The following SLC9B1 variants were observed in gnomAD, a reference collection of about 807,000 sequenced individuals.
The protein encoded by SLC9B1 is solute carrier family 9 member B1.
A neutral mutation model predicts 51.7 loss-of-function variants in SLC9B1; 32 were observed. The ratio of observed to expected loss-of-function variants is 0.62; its 90% CI spans 0.47 to 0.83. SLC9B1 has a LOEUF of 0.83. Among genes scored for constraint, SLC9B1 ranks in the 40% least tolerant of loss-of-function variants. The pLI is 0.00. For synonymous variants in SLC9B1, 145 were observed against 212.7 expected (o/e 0.68, Z 2.77); for missense variants, 406 against 613.2 (o/e 0.66, Z 3.57).
At chr4:103,012,416 ATCTC>A (rs1741129040) in intron 1 of SLC9B1, among the ~76,000 whole-genome samples, 1 of 152,168 alleles carries the variant, frequency 6.6e-6, no homozygotes, top group South Asian at 2.1e-4. Context: ...AACTTAGATA[ATCTC>A]TAAGAACATG....
At chr4:102,988,334 C>A (rs1173416429) in intron 3 of SLC9B1, among the ~76,000 whole-genome samples, 1 of 152,086 alleles carries the variant, frequency 6.6e-6, no homozygotes, top group Non-Finnish European at 1.5e-5. Flanking sequence ...TGTGATGAGA[C>A]TGATTTCTGT....
chr4:102,938,156 G>T (rs1486976274), intron 6 of SLC9B1, among the ~76,000 whole-genome samples: 1 of 152,084 alleles, frequency 6.6e-6, no homozygotes, highest in Non-Finnish European at 1.5e-5. Flanking sequence ...ATACCCATTG[G>T]CTCAAAGTAA....
chr4:102,951,031 A>G (rs111409015), intron 3 of SLC9B1, among the ~76,000 whole-genome samples: 1 of 152,132 alleles, frequency 6.6e-6, no homozygotes, highest in Non-Finnish European at 1.5e-5. Flanking sequence ...AAAACAAAAC[A>G]AAACAAAACA....
At chr4:102,986,718 C>G (rs1318965700) in intron 3 of SLC9B1, among the ~76,000 whole-genome samples, 1 of 152,096 alleles carries the variant, frequency 6.6e-6, no homozygotes, top group Non-Finnish European at 1.5e-5. Flanking sequence ...CTGGCATATT[C>G]TCAAGCCCGG....
intron 1 of SLC9B1, among the ~76,000 whole-genome samples, chr4:103,010,959 C>T (rs1005806379): frequency 6.6e-6 from 1 of 152,180 alleles, no homozygotes; most frequent in Admixed American, 6.5e-5. Flanking sequence ...CTTGTTCCAT[C>T]CCAGTAGCTC....
chr4:103,016,398 T>C (rs1338831029), intron 1 of SLC9B1, among the ~76,000 whole-genome samples: 1 of 152,122 alleles, frequency 6.6e-6, no homozygotes, highest in Non-Finnish European at 1.5e-5. Flanking sequence ...TTCTTGGCTC[T>C]CTTTCATAGT....
intron 11 of SLC9B1, chr4:102,892,625 G>A (rs1230627366): frequency 6.6e-6 from 1 of 152,140 alleles, no homozygotes; most frequent in Admixed American, 6.5e-5. Flanking sequence ...AAGTATATTT[G>A]TGATACTGTT....
At chr4:102,980,557 G>A (rs1446885337) in intron 3 of SLC9B1, among the ~76,000 whole-genome samples, 1 of 151,752 alleles carries the variant, frequency 6.6e-6, no homozygotes, top group Non-Finnish European at 1.5e-5. Flanking sequence ...ACACATGGGG[G>A]GAACAACACA....
At chr4:102,991,607 TATATC>T in intron 2 of SLC9B1, 31 bp downstream of exon 2, 1 of 1,325,172 alleles carries the variant, frequency 7.5e-7, no homozygotes. Context: ...AGGTTGATTT[TATATC>T]ATATATTACA....
chr4:102,965,799 C>G (rs1396014074), intron 3 of SLC9B1, among the ~76,000 whole-genome samples: 1 of 150,992 alleles, frequency 6.6e-6, no homozygotes, highest in Non-Finnish European at 1.5e-5. Context: ...AAAAAAACAA[C>G]AAGTTATTTA....
In SLC9B1 at chr4:102,989,851, T is replaced by A; in HGVS notation, c.160A>T (p.Thr54Ser). ...CCTCTTAGAGGACAAGAAATGTATG[T>A]CTCCTTTTTTGTCTGTGGTTTTATT... is the stretch of plus-strand genomic sequence containing the variant. ...EEIKPQTKKE[T>S]YISCPLRGVL... The change falls in exon 3 of 12, where the codon ACA (threonine) becomes TCA (serine). Residue 54 changes from threonine to serine, a missense_variant. By Grantham distance (58) the Thr-to-Ser change is moderately conservative. This residue lies in a region of SLC9B1 where 108 missense variants were observed against 94.5 expected (regional missense o/e 1.14). Transcript: ENST00000296422. The A allele has an allele frequency of 6.2e-7, 1 of 1,602,636 alleles. No homozygotes were observed. The highest frequency in any genetic ancestry group is 8.5e-7 in the Non-Finnish European group (1 of 1,172,050).
Position 103,019,591 on chromosome 4 carries a change from G to C in SLC9B1, c.-2+8C>G, listed in dbSNP as rs181946550. The C allele has an allele frequency of 5.3e-4, 519 of 985,484 alleles. 1 individual carries two copies. In the African/African-American group the frequency reaches 8.4e-3, roughly 16 times the overall value. 61.0% of individuals were successfully genotyped at this position (985,484 alleles called of 1,614,324 possible). On this transcript the variant is annotated splice_region_variant and intron_variant, in intron 1 of 11. Coordinates refer to ENST00000296422, the MANE Select transcript of SLC9B1 (RefSeq NM_139173.4). ...TGGAAGGGCGGCGTTAAGAAAAATG[G>C]GCCGTACCTACAACTTCTTTCGCAG... is the stretch of plus-strand genomic sequence containing the variant.
At chr4:102,928,131 T>C (rs192237056) in intron 7 of SLC9B1, among the ~76,000 whole-genome samples, 1 of 152,082 alleles carries the variant, frequency 6.6e-6, no homozygotes, top group Non-Finnish European at 1.5e-5. Flanking sequence ...ATGTAAATGA[T>C]GAGTTGATGG....
intron 7 of SLC9B1, among the ~76,000 whole-genome samples, chr4:102,921,084 A>G (rs1028108238): frequency 1.3e-5 from 2 of 152,204 alleles, no homozygotes; most frequent in Non-Finnish European, 2.9e-5. Context: ...CTCCTTGAGA[A>G]GAGCAATTCC....
intron 6 of SLC9B1, among the ~76,000 whole-genome samples, chr4:102,938,789 A>G (rs1000409806): frequency 1.3e-5 from 2 of 152,196 alleles, no homozygotes; most frequent in African/African-American, 4.8e-5. Flanking sequence ...TGGGTAAACA[A>G]TGAAATTAAG....
At chr4:102,984,951 G>A (rs1194757536) in intron 3 of SLC9B1, among the ~76,000 whole-genome samples, 1 of 152,078 alleles carries the variant, frequency 6.6e-6, no homozygotes, top group Admixed American at 6.6e-5. Flanking sequence ...GAGTAGCTGG[G>A]ACTAAAGATG....
intron 3 of SLC9B1, among the ~76,000 whole-genome samples, chr4:102,960,818 C>T (rs868822383): frequency 2.0e-5 from 3 of 151,600 alleles, no homozygotes; most frequent in South Asian, 4.2e-4. Context: ...CCACAACCTC[C>T]GCCTCCCGGG....
At chr4:103,019,237 T>A (rs536496402) in intron 1 of SLC9B1, among the ~76,000 whole-genome samples, 1 of 152,140 alleles carries the variant, frequency 6.6e-6, no homozygotes, top group African/African-American at 2.4e-5. Flanking sequence ...TATGTGAAGG[T>A]TTATTTGCAG....
chr4:102,994,112 C>A (rs955683755), intron 1 of SLC9B1, among the ~76,000 whole-genome samples: 7 of 152,202 alleles, frequency 4.6e-5, no homozygotes, highest in African/African-American at 1.2e-4. Flanking sequence ...ATGCAAATTT[C>A]TGCAGCAGGC....
Sources: gnomAD v4.1 joint callset for allele counts (sites outside exome capture counted in the v4.1 genomes callset) on GRCh38, gnomAD v4.1.1 for gene constraint, gnomAD v4.1.1 regional missense constraint, MANE v1.5 for transcripts, NCBI Gene and HGNC (gene_info 2026-07-23, HGNC 2026-07-21) for gene names.